The following FAM161B variants were observed in gnomAD, a reference collection of about 807,000 sequenced individuals.
The protein encoded by FAM161B is protein FAM161B.
In FAM161B, 46 loss-of-function variants were observed where a neutral mutation model predicts 61.5. The observed-to-expected ratio is 0.75, with a 90% CI of 0.59 to 0.96. FAM161B has a LOEUF of 0.96. Among genes scored for constraint, FAM161B ranks in the 40% least tolerant of loss-of-function variants. The probability of loss-of-function intolerance (pLI) is 0.00; values close to 1 mark genes in which losing one functional copy is unlikely to be tolerated. For synonymous variants in FAM161B, 284 were observed against 302.7 expected, an observed-to-expected ratio of 0.94 and a Z score of 0.64; for missense variants, 774 against 800.7, an observed-to-expected ratio of 0.97 and a Z score of 0.40.
downstream of FAM161B, among the ~76,000 whole-genome samples, chr14:73,928,391 A>C (rs1382865785): frequency 1.3e-5 from 2 of 152,054 alleles, no homozygotes; most frequent in Non-Finnish European, 2.9e-5. Context: ...GCTGGAGAGG[A>C]AAATTGAGAG....
Position 73,946,653 on chromosome 14 carries a change from G to A in FAM161B, c.55-48C>T. The stretch of plus-strand genomic sequence containing the variant: ...TGTGGGTCAAACAATAATTTCAAAG[G>A]TATTCAAATCATAACTTAATTTCGC... On this transcript the variant is annotated intron_variant, in intron 1 of 8. Transcript: ENST00000286544. 4.5e-6 allele frequency: 7 copies of A among 1,562,394 alleles called. No individual in the cohort carries two copies. The South Asian group carries it at 8.1e-5, about 18-fold the overall frequency.
chr14:73,923,448 C>T, the FAM161B span: 12 of 1,613,964 alleles, frequency 7.4e-6, no homozygotes, highest in Admixed American at 5.0e-5. Context: ...TGATGTGACA[C>T]ATCACCTGGT....
downstream of FAM161B, among the ~76,000 whole-genome samples, chr14:73,930,687 TG>T (rs757818891): frequency 1.7e-4 from 26 of 150,730 alleles, no homozygotes; most frequent in Non-Finnish European, 3.3e-4. Context: ...ACTGCACCCT[TG>T]AACTCCTGGG....
chr14:73,931,207 G>GATTC, downstream of FAM161B, among the ~76,000 whole-genome samples: 1 of 152,238 alleles, frequency 6.6e-6, no homozygotes, highest in East Asian at 1.9e-4. Flanking sequence ...GTAAGTTAGA[G>GATTC]ATTCCTCTGT....
intron 5 of FAM161B, among the ~76,000 whole-genome samples, chr14:73,938,729 G>A (rs972660603): frequency 8.6e-4 from 126 of 146,768 alleles, no homozygotes; most frequent in African/African-American, 3.0e-3. Context: ...CCGAGATCGT[G>A]CCACTGCACT....
chr14:73,946,498 C>A lies in FAM161B; in HGVS notation c.162G>T (p.Glu54Asp). 6.2e-7 allele frequency: 1 copy of A among 1,614,218 alleles called. No homozygotes were observed. Among genetic ancestry groups the A allele is most frequent in the South Asian group, 1.1e-5 (1 of 91,084 alleles). The change falls in exon 2 of 9, where the codon GAG becomes GAT. Residue 54 changes from glutamate (E) to aspartate (D), a missense_variant. By Grantham distance (45) the Glu-to-Asp change is conservative. Transcript: ENST00000286544. ...ASKLDEFLSP[E>D]EEIDSTSDST... Reference sequence around the variant, plus strand: ...AGTCAGAAGTAGAATCTATCTCCTCCTCTGGGCTGAGGAACTCGTCAAGTT... The same window carrying A: ...AGTCAGAAGTAGAATCTATCTCCTCATCTGGGCTGAGGAACTCGTCAAGTT...
At chr14:73,938,735 G>A (rs1258584420) in intron 5 of FAM161B, among the ~76,000 whole-genome samples, 1 of 152,050 alleles carries the variant, frequency 6.6e-6, no homozygotes, top group Non-Finnish European at 1.5e-5. Context: ...TCGTGCCACT[G>A]CACTCCAGCC....
chr14:73,943,876 C>T (rs2056040328), intron 3 of FAM161B, among the ~76,000 whole-genome samples: 1 of 150,654 alleles, frequency 6.6e-6, no homozygotes, highest in South Asian at 2.1e-4. Context: ...AAAGCCTGAG[C>T]CCCTTATTTG....
chr14:73,944,957 C>CCAGT, intron 2 of FAM161B, 72 bp from the exon 3 acceptor site: 1 of 1,284,300 alleles, frequency 7.8e-7, no homozygotes, highest in Non-Finnish European at 1.0e-6. Context: ...GACCTCCTCC[C>CCAGT]CAGTCCTCCC....
the FAM161B span, among the ~76,000 whole-genome samples, chr14:73,925,157 C>T: frequency 6.9e-6 from 1 of 145,216 alleles, no homozygotes; most frequent in East Asian, 2.0e-4. Flanking sequence ...TGTTGTGACC[C>T]ATTGTCTTTG....
chr14:73,927,491 A>G (rs1335906667), downstream of FAM161B, among the ~76,000 whole-genome samples: 1 of 152,200 alleles, frequency 6.6e-6, no homozygotes, highest in Admixed American at 6.6e-5. Context: ...ACACATTATT[A>G]TTCGAGCAAG....
the FAM161B span, chr14:73,924,603 C>G: frequency 2.4e-6 from 1 of 410,546 alleles, no homozygotes; most frequent in South Asian, 1.8e-5. Context: ...AAACTTTTGT[C>G]AAAACCTCTG....
In FAM161B at chr14:73,946,579, G is replaced by A. The variant is rs915847688; in HGVS notation, c.81C>T (p.Asp27=). The A allele has an allele frequency of 6.2e-7, 1 of 1,613,694 alleles. No homozygotes were observed. Among genetic ancestry groups the A allele is most frequent in the Non-Finnish European group, 8.5e-7 (1 of 1,179,648 alleles). The stretch of plus-strand genomic sequence containing the variant: ...CGGACAGCTCCTCTCCTGCCTCTGT[G>A]TCTGCGAAGGACTCGGGGGGAAATA... The part of the protein sequence containing the change: ...RQIFPPESFA[D]TEAGEELSGD... Residue 27 remains aspartate (D), a synonymous_variant, in exon 2 of 9, where the codon GAC becomes GAT. Coordinates refer to ENST00000286544, the MANE Select transcript of FAM161B (RefSeq NM_152445.3).
chr14:73,923,605 A>G, the FAM161B span: 1 of 1,510,970 alleles, frequency 6.6e-7, no homozygotes, highest in African/African-American at 1.4e-5. Flanking sequence ...AAAAGTCTCC[A>G]GTTTCCATTT....
At chr14:73,928,418 GTC>G (rs1202839813), downstream of FAM161B, among the ~76,000 whole-genome samples, 1 of 152,156 alleles carries the variant, frequency 6.6e-6, no homozygotes, top group Admixed American at 6.5e-5. Context: ...AGATAAGCTA[GTC>G]TCTTGAAAGG....
chr14:73,932,997 T>A lies in FAM161B; in HGVS notation c.*1259A>T, dbSNP rs2055937982. 6.5e-6 allele frequency: 1 copy of A among 154,040 alleles called. No homozygotes were observed. The highest frequency in any genetic ancestry group is 2.0e-4 in the South Asian group (1 of 4,956). 9.5% of individuals were successfully genotyped at this position (154,040 alleles called of 1,614,324 possible). ...CTACTAGTAGAAAATCTTGGTTGTC[T>A]GGGAAATTTTAAGTTTACTTAAAAT... is the stretch of plus-strand genomic sequence containing the variant. On this transcript the variant is annotated 3_prime_UTR_variant, in exon 9 of 9. Coordinates refer to ENST00000286544, the MANE Select transcript of FAM161B (RefSeq NM_152445.3).
intron 3 of FAM161B, 143 bp downstream of exon 3, chr14:73,944,192 C>T: frequency 1.1e-5 from 15 of 1,307,304 alleles, no homozygotes; most frequent in Non-Finnish European, 1.6e-5. Context: ...TCCCCAATGG[C>T]CTGCACTAAG....
chr14:73,927,203 A>G, downstream of FAM161B: 1 of 250,946 alleles, frequency 4.0e-6, no homozygotes, highest in Admixed American at 4.4e-5. Flanking sequence ...CTTCTGCCTC[A>G]GCCTCCTGAG....
intron 1 of FAM161B, among the ~76,000 whole-genome samples, chr14:73,947,380 C>T (rs34302977): frequency 4.8e-3 from 500 of 103,634 alleles, no homozygotes; most frequent in Non-Finnish European, 6.9e-3. Context: ...AGTGATGCTC[C>T]GTCTCAAAAA....
Sources: gnomAD v4.1 joint callset for allele counts (sites outside exome capture counted in the v4.1 genomes callset) on GRCh38, gnomAD v4.1.1 for gene constraint, MANE v1.5 for transcripts, NCBI Gene and HGNC (gene_info 2026-07-23, HGNC 2026-07-21) for gene names.